The following INTU variants were observed in gnomAD, a reference collection of about 807,000 sequenced individuals.
INTU encodes the protein protein inturned.
A neutral mutation model predicts 100.5 loss-of-function variants in INTU; 68 were observed. The observed-to-expected ratio is 0.68, with a 90% CI of 0.56 to 0.83. The LOEUF (loss-of-function observed/expected upper bound fraction) is 0.83. Among genes scored for constraint, INTU ranks in the 40% least tolerant of loss-of-function variants. INTU has a pLI of 0.00. For synonymous variants in INTU, 357 were observed against 395.7 expected, an observed-to-expected ratio of 0.90 and a Z score of 1.16; for missense variants, 1,071 against 1,114.7, an observed-to-expected ratio of 0.96 and a Z score of 0.56.
At chr4:127,675,207 A>G (rs954604942) in intron 6 of INTU, among the ~76,000 whole-genome samples, 1 of 152,248 alleles carries the variant, frequency 6.6e-6, no homozygotes, top group Non-Finnish European at 1.5e-5. Flanking sequence ...TTTGGTCTGT[A>G]GAATCATAGC....
At position 127,687,672 on chromosome 4, in the gene INTU, C is replaced by A. The variant is rs1166704381; in HGVS notation, c.1260-6C>A. On this transcript the variant is annotated splice_region_variant and splice_polypyrimidine_tract_variant and intron_variant, in intron 7 of 15. Transcript: ENST00000335251. The stretch of plus-strand genomic sequence containing the variant: ...TCGTTCTAACTTACAGCTCTTATTT[C>A]TCCAGTGCCTTTTGCCAGATTGAGA... 4 of 1,603,942 alleles carry A rather than the reference C, an allele frequency of 2.5e-6. No individual in the cohort carries two copies. In the East Asian group the frequency reaches 9.0e-5, roughly 36 times the overall value.
rs200105767 is a variant in INTU at position 127,706,529 on chromosome 4, G to A, written c.1831G>A (p.Ala611Thr). Residue 611 changes from alanine to threonine, a missense_variant, in exon 12 of 16, where the codon GCA becomes ACA. Coordinates refer to ENST00000335251, the MANE Select transcript of INTU (RefSeq NM_015693.4). ...TGTACTATTAGAAGCTGGAGGTTGCGCATCCAAAGCTATTGGGAGTCCTGG... is the reference window on the plus strand; with the variant it reads ...TGTACTATTAGAAGCTGGAGGTTGCACATCCAAAGCTATTGGGAGTCCTGG... The part of the protein sequence containing the change: ...LCVLLEAGGC[A>T]SKAIGSPGPD... 74 of 1,613,490 alleles carry A rather than the reference G, an allele frequency of 4.6e-5. No homozygotes were observed. The highest frequency in any genetic ancestry group is 2.5e-4 in the Admixed American group (15 of 59,946).
rs1175657093 is a variant in INTU at position 127,722,096 on chromosome 4, A to G, written c.*5660A>G. 6.6e-6 allele frequency: 1 copy of G among 152,170 alleles called. No individual in the cohort carries two copies. The highest frequency in any genetic ancestry group is 1.5e-5 in the Non-Finnish European group (1 of 68,036). 9.4% of individuals were successfully genotyped at this position (152,170 alleles called of 1,614,324 possible). A position where few individuals can be genotyped will look rare whatever the true frequency, so the allele number is the denominator to read the frequency against. ...CATTCTTTCTCATCTTCATGGGTTT[A>G]TCTACCTTTGATCTTTGAGTCTGCT... On this transcript the variant is annotated 3_prime_UTR_variant, in exon 16 of 16. Transcript: ENST00000335251.
At chr4:127,683,303 C>T (rs1187172252) in intron 6 of INTU, among the ~76,000 whole-genome samples, 1 of 152,146 alleles carries the variant, frequency 6.6e-6, no homozygotes, top group Non-Finnish European at 1.5e-5. Context: ...ATCTCTTTAC[C>T]CTTCTCTTAA....
chr4:127,660,092 C>G (rs116696702), intron 3 of INTU, among the ~76,000 whole-genome samples: 2,639 of 152,110 alleles, frequency 0.017, 32 homozygotes, highest in Non-Finnish European at 0.026. Flanking sequence ...GAGGCATATG[C>G]AAGACAGGAG....
intron 8 of INTU, chr4:127,699,464 A>C (rs934710297): frequency 1.3e-5 from 2 of 152,214 alleles, no homozygotes; most frequent in African/African-American, 4.8e-5. Context: ...TTAATCTAGG[A>C]ATAAAGATTG....
chr4:127,704,373 A>G, intron 10 of INTU, 83 bp downstream of exon 10: 1 of 993,142 alleles, frequency 1.0e-6, no homozygotes, highest in Non-Finnish European at 1.6e-6. Flanking sequence ...CATGAAAAAT[A>G]CATTTATCTC....
rs869116277 is a variant in INTU, at chr4:127,640,542, C to CATAT, written c.147-2933_147-2930dup. Among the ~76,000 whole-genome samples the CATAT allele has an allele frequency of 2.4e-3, 127 of 53,592 alleles. 3 individuals carry two copies. The highest frequency in any genetic ancestry group is 4.5e-3 in the African/African-American group (51 of 11,354). The allele number at this position is 53,592 out of a possible 152,430, so 35.2% of individuals were successfully genotyped here. A position where few individuals can be genotyped will look rare whatever the true frequency, so the allele number is the denominator to read the frequency against. On this transcript the variant is annotated intron_variant, in intron 1 of 15. Transcript: ENST00000335251. Reference sequence around the variant, plus strand: ...TGGTATAGTCTTTTGGGTAAAGATACATATATATATATATATATATATATA... The same window carrying CATAT: ...TGGTATAGTCTTTTGGGTAAAGATACATATATATATATATATATATATATATATA...
chr4:127,645,216 G>A (rs1249019167), intron 2 of INTU, among the ~76,000 whole-genome samples: 3 of 152,196 alleles, frequency 2.0e-5, no homozygotes, highest in Non-Finnish European at 2.9e-5. Context: ...GAATCTGGGT[G>A]GGCCGGTGAC....
chr4:127,687,674 C>T lies in INTU; in HGVS notation c.1260-4C>T. On this transcript the variant is annotated splice_region_variant and splice_polypyrimidine_tract_variant and intron_variant, in intron 7 of 15. Coordinates refer to ENST00000335251, the MANE Select transcript of INTU (RefSeq NM_015693.4). ...GTTCTAACTTACAGCTCTTATTTCT[C>T]CAGTGCCTTTTGCCAGATTGAGAAT... 1.2e-6 allele frequency: 2 copies of T among 1,604,828 alleles called. No individual in the cohort carries two copies. Among genetic ancestry groups the T allele is most frequent in the Non-Finnish European group, 1.7e-6 (2 of 1,172,866 alleles).
chr4:127,663,444 A>C lies in INTU; in HGVS notation c.832A>C (p.Lys278Gln). 1 of 1,613,476 alleles carries C rather than the reference A, an allele frequency of 6.2e-7. No homozygotes were observed. Among genetic ancestry groups the C allele is most frequent in the Non-Finnish European group, 8.5e-7 (1 of 1,179,580 alleles). Residue 278 changes from lysine to glutamine, a missense_variant, in exon 4 of 16, where the codon AAG (lysine) becomes CAG (glutamine). Transcript: ENST00000335251. ...GGAGACGTCCCATCCAAGACAGAAA[A>C]AGACACAGTCCAACACAAGTGATTT... Reference protein sequence around the residue: ...KRETSHPRQKKTQSNTSDLVK... With the variant: ...KRETSHPRQKQTQSNTSDLVK...
intron 2 of INTU, among the ~76,000 whole-genome samples, chr4:127,645,656 G>A (rs1322920363): frequency 4.6e-5 from 7 of 151,964 alleles, no homozygotes; most frequent in Non-Finnish European, 1.5e-5. Context: ...TACCTCCCGG[G>A]TTCAAGCGAT....
At chr4:127,668,940 A>G in intron 4 of INTU, 96 bp from the exon 5 acceptor site, 1 of 566,196 alleles carries the variant, frequency 1.8e-6, no homozygotes, top group Non-Finnish European at 3.2e-6. Context: ...GAAAGGATTC[A>G]TTTTTTGTTC....
intron 2 of INTU, among the ~76,000 whole-genome samples, chr4:127,649,158 G>A (rs1165583964): frequency 6.6e-6 from 1 of 152,164 alleles, no homozygotes; most frequent in Non-Finnish European, 1.5e-5. Context: ...ATGGCCAAGT[G>A]ATGCCTAATA....
At position 127,704,218 on chromosome 4, in the gene INTU, T is replaced by C. The variant is rs775761177; in HGVS notation, c.1504-10T>C. On this transcript the variant is annotated splice_polypyrimidine_tract_variant and intron_variant, in intron 9 of 15. Coordinates refer to ENST00000335251, the MANE Select transcript of INTU (RefSeq NM_015693.4). ...AAAAATATAAAATCCACTATGAATT[T>C]TTCCCCCAGTCCGAGGATTACTATG... 2.5e-6 allele frequency: 4 copies of C among 1,601,188 alleles called. No individual in the cohort carries two copies. The highest frequency in any genetic ancestry group is 3.4e-6 in the Non-Finnish European group (4 of 1,173,168).
chr4:127,704,184 C>CA (rs761639968), intron 9 of INTU, 44 bp from the exon 10 acceptor site: 56 of 1,508,294 alleles, frequency 3.7e-5, no homozygotes, highest in Non-Finnish European at 5.0e-5. Context: ...ATTTTTATCA[C>CA]AAAAAAATAA....
At chr4:127,639,961 TC>T (rs1475243792) in intron 1 of INTU, among the ~76,000 whole-genome samples, 2 of 152,134 alleles carry the variant, frequency 1.3e-5, no homozygotes, top group African/African-American at 4.8e-5. Flanking sequence ...TAAAGAACCT[TC>T]CAGGAATATT....
At chr4:127,651,415 C>G (rs1183718553) in intron 2 of INTU, among the ~76,000 whole-genome samples, 10 of 152,256 alleles carry the variant, frequency 6.6e-5, no homozygotes, top group African/African-American at 2.4e-4. Flanking sequence ...AGGAAGGGAT[C>G]CAGTTTCAGC....
chr4:127,657,389 A>G (rs141377980), intron 3 of INTU, among the ~76,000 whole-genome samples: 74 of 152,248 alleles, frequency 4.9e-4, no homozygotes, highest in African/African-American at 1.5e-3. Context: ...AGATAGCATC[A>G]GGAATTAGCA....
Sources: allele counts gnomAD v4.1 joint callset (sites outside exome capture counted in the v4.1 genomes callset), GRCh38; gene constraint gnomAD v4.1.1; transcripts MANE v1.5; gene names NCBI Gene and HGNC (gene_info 2026-07-23, HGNC 2026-07-21).